CADM4: variants seen among roughly 807,000 people sequenced by gnomAD.
CADM4 encodes cell adhesion molecule 4.
CADM4 carries 13 observed loss-of-function variants against 43.9 expected under a neutral mutation model. The observed-to-expected ratio is 0.30, with a 90% CI of 0.19 to 0.47. CADM4 has a LOEUF of 0.47. Ranked by LOEUF, CADM4 falls within the 20% of genes least tolerant of loss-of-function variation. The pLI is 1.00. For missense variants in CADM4, 420 were observed against 527.0 expected, an observed-to-expected ratio of 0.80 and a Z score of 1.99; for synonymous variants, 209 against 220.9, an observed-to-expected ratio of 0.95 and a Z score of 0.48.
chr19:43,636,446 C>G (rs1973705083), intron 1 of CADM4, among the ~76,000 whole-genome samples: 1 of 152,180 alleles, frequency 6.6e-6, no homozygotes, highest in Non-Finnish European at 1.5e-5. Context: ...AGAGCCCAGG[C>G]TCAGCACCTG....
At chr19:43,624,069 C>T (rs769351648) in intron 8 of CADM4, 45 bp downstream of exon 8, 10 of 1,609,380 alleles carry the variant, frequency 6.2e-6, no homozygotes, top group Admixed American at 3.3e-5. Flanking sequence ...TCTTTCCGAG[C>T]CCTACAACCA....
Position 43,625,122 on chromosome 19 carries a change from T to C in CADM4, c.884A>G (p.Asn295Ser), listed in dbSNP as rs769244858. 25 of 1,613,090 alleles carry C rather than the reference T, an allele frequency of 1.5e-5. No homozygotes were observed. The highest frequency in any genetic ancestry group is 1.9e-5 in the Non-Finnish European group (22 of 1,179,568). Residue 295 changes from asparagine to serine, a missense_variant, in exon 7 of 9, where the codon AAT becomes AGT. Physicochemically the swap from Asn to Ser is conservative, Grantham distance 46. Coordinates refer to ENST00000222374, the MANE Select transcript of CADM4 (RefSeq NM_145296.2). This position sits in a 1 kb window ranked among gnomAD's most constrained non-coding sequence, Gnocchi z 4.5. ...GAGCGCCCTCGCATGGCCGTGCTTA[T>C]TGGACGCCTCGCAAGTGTAGGTGCC... Reference protein sequence around the residue: ...DNGTYTCEASNKHGHARALYV... With the variant: ...DNGTYTCEASSKHGHARALYV...
At chr19:43,631,364 T>G (rs4803647) in intron 1 of CADM4, among the ~76,000 whole-genome samples, 52,545 of 150,736 alleles carry the variant, frequency 0.35, 9,288 homozygotes, top group African/African-American at 0.38. Context: ...AAAAAAGAAA[T>G]AAATAAAAGA....
intron 1 of CADM4, among the ~76,000 whole-genome samples, chr19:43,636,911 C>A (rs984426637): frequency 6.6e-6 from 1 of 152,088 alleles, no homozygotes; most frequent in Non-Finnish European, 1.5e-5. Context: ...AAGTGAGTCA[C>A]CCTGGGAAGG....
At chr19:43,639,880 T>C (rs1600104498), upstream of CADM4, 1 of 603,106 alleles carries the variant, frequency 1.7e-6, no homozygotes, top group Non-Finnish European at 2.0e-6. Context: ...CCCCGCCCCC[T>C]GCCCGCCCGG....
At chr19:43,634,663 C>T (rs146466845) in intron 1 of CADM4, among the ~76,000 whole-genome samples, 2 of 152,158 alleles carry the variant, frequency 1.3e-5, no homozygotes, top group Non-Finnish European at 2.9e-5. Flanking sequence ...GGGACTGAGG[C>T]ACTGGCCCTT....
chr19:43,624,310 A>T, intron 7 of CADM4, 68 bp from the exon 8 acceptor site: 1 of 1,605,062 alleles, frequency 6.2e-7, no homozygotes, highest in Non-Finnish European at 8.5e-7. Flanking sequence ...CATCGCTGCC[A>T]AGCTTTTAAG....
In CADM4 at chr19:43,627,796, C is replaced by G; in HGVS notation, c.65-6G>C. 6.2e-7 allele frequency: 1 copy of G among 1,603,722 alleles called. No homozygotes were observed. Among genetic ancestry groups the G allele is most frequent in the Non-Finnish European group, 8.5e-7 (1 of 1,171,434 alleles). ...CTGTACTTCCTGTCCTGCCCCTGGA[C>G]GATTAGACAAAGAGACAGGATAGAA... On this transcript the variant is annotated splice_polypyrimidine_tract_variant and splice_region_variant and intron_variant, in intron 1 of 8. Coordinates refer to ENST00000222374, the MANE Select transcript of CADM4 (RefSeq NM_145296.2). This position sits in a 1 kb window ranked among gnomAD's most constrained non-coding sequence, Gnocchi z 4.0.
Position 43,624,095 on chromosome 19 carries a change from C to A in CADM4, c.1057+19G>T. ...CCTACAACCAACCAACCGTAGAGTC[C>A]AGGCCCCGTCCCACTCACCCTTCTG... On this transcript the variant is annotated intron_variant, in intron 8 of 8. Coordinates refer to ENST00000222374, the MANE Select transcript of CADM4 (RefSeq NM_145296.2). 6.2e-7 allele frequency: 1 copy of A among 1,614,008 alleles called. No homozygotes were observed. The highest frequency in any genetic ancestry group is 8.5e-7 in the Non-Finnish European group (1 of 1,179,912).
Position 43,639,769 on chromosome 19 carries a change from G to C in CADM4, c.22C>G (p.Gln8Glu). 1 of 1,026,038 alleles carries C rather than the reference G, an allele frequency of 9.7e-7. No homozygotes were observed. Among genetic ancestry groups the C allele is most frequent in the South Asian group, 3.3e-5 (1 of 30,232 alleles). The allele number at this position is 1,026,038 out of a possible 1,614,324, so 63.6% of individuals were successfully genotyped here. A position where few individuals can be genotyped will look rare whatever the true frequency, so the allele number is the denominator to read the frequency against. Residue 8 changes from glutamine (Q) to glutamate (E), a missense_variant, in exon 1 of 9, where the codon CAG becomes GAG. Physicochemically the swap from Gln to Glu is conservative, Grantham distance 29. Transcript: ENST00000222374. MGRARRF[Q>E]WPLLLLWAAA... ...GCCCACAGCAGCAGCAGCGGCCACT[G>C]GAAGCGCCGGGCCCGGCCCATGGTG...
In CADM4 at chr19:43,624,224, T is replaced by C; in HGVS notation, c.947A>G (p.Glu316Gly). ...LVVYDPGAVVEAQTSVPYAIV... is the reference protein window; with the variant it reads ...LVVYDPGAVVGAQTSVPYAIV... ...GGCATAGGGAACCGACGTCTGAGCC[T>C]CTACCACCGCACCAGGGTCTGCCAG... is the stretch of plus-strand genomic sequence containing the variant. The change falls in exon 8 of 9, where the codon GAG (glutamate) becomes GGG (glycine). Residue 316 changes from glutamate to glycine, a missense_variant. By Grantham distance (98) the Glu-to-Gly change is moderately conservative (BLOSUM62 -2). Coordinates refer to ENST00000222374, the MANE Select transcript of CADM4 (RefSeq NM_145296.2). 1.2e-6 allele frequency: 2 copies of C among 1,614,156 alleles called. No homozygotes were observed. The highest frequency in any genetic ancestry group is 1.7e-6 in the Non-Finnish European group (2 of 1,180,034).
chr19:43,626,279 C>A lies in CADM4; in HGVS notation c.509G>T (p.Ser170Ile). 1 of 1,610,900 alleles carries A rather than the reference C, an allele frequency of 6.2e-7. No individual in the cohort carries two copies. Among genetic ancestry groups the A allele is most frequent in the Non-Finnish European group, 8.5e-7 (1 of 1,179,942 alleles). Residue 170 changes from serine to isoleucine, a missense_variant, in exon 5 of 9, where the codon AGC becomes ATC. Coordinates refer to ENST00000222374, the MANE Select transcript of CADM4 (RefSeq NM_145296.2). This position sits in a 1 kb window ranked among gnomAD's most constrained non-coding sequence, Gnocchi z 5.9. ...CCAGACCTTGCCATTTTCCTGGCTG[C>A]TGCTCACTCCTGCCACACCCCGGTC... Reference protein sequence around the residue: ...RDRKELKGVSSSQENGKVWSV... With the variant: ...RDRKELKGVSISQENGKVWSV...
rs1973532678 is a variant in CADM4, at chr19:43,626,642, C to T, written c.499+142G>A. On this transcript the variant is annotated intron_variant, in intron 4 of 8. Coordinates refer to ENST00000222374, the MANE Select transcript of CADM4 (RefSeq NM_145296.2). This position sits in a 1 kb window ranked among gnomAD's most constrained non-coding sequence, Gnocchi z 5.9. ...CCTCCCAAAGTGCTAGGACTACAGG[C>T]GTGAGCCACCGCGCTCGACATCAAC... The T allele has an allele frequency of 3.6e-6, 4 of 1,125,346 alleles. No homozygotes were observed. The highest frequency in any genetic ancestry group is 4.9e-6 in the Non-Finnish European group (4 of 810,534). 69.7% of individuals were successfully genotyped at this position (1,125,346 alleles called of 1,614,324 possible).
Position 43,624,192 on chromosome 19 carries a change from C to T in CADM4, c.979G>A (p.Gly327Ser). 2 of 1,614,198 alleles carry T rather than the reference C, an allele frequency of 1.2e-6. No homozygotes were observed. The highest frequency in any genetic ancestry group is 1.7e-6 in the Non-Finnish European group (2 of 1,180,036). Residue 327 changes from glycine to serine, a missense_variant, in exon 8 of 9, where the codon GGC becomes AGC. By Grantham distance (56) the Gly-to-Ser change is moderately conservative. Coordinates refer to ENST00000222374, the MANE Select transcript of CADM4 (RefSeq NM_145296.2). ...AQTSVPYAIV[G>S]GILALLVFLI... The stretch of plus-strand genomic sequence containing the variant: ...AACACCAGCAGCGCCAGGATGCCGC[C>T]CACAATGGCATAGGGAACCGACGTC...
At chr19:43,634,756 G>A (rs967439798) in intron 1 of CADM4, among the ~76,000 whole-genome samples, 15 of 151,534 alleles carry the variant, frequency 9.9e-5, no homozygotes, top group African/African-American at 3.4e-4. Context: ...GAGTGGCGGA[G>A]CAGGTAATGC....
At chr19:43,640,698 C>T, upstream of CADM4, among the ~76,000 whole-genome samples, 1 of 152,004 alleles carries the variant, frequency 6.6e-6, no homozygotes, top group Non-Finnish European at 1.5e-5. Flanking sequence ...CCCAGCCTCT[C>T]TCCCTCTCTC....
chr19:43,625,993 TG>T lies in CADM4; in HGVS notation c.672del (p.Thr225ArgfsTer11). The T allele has an allele frequency of 6.2e-7, 1 of 1,613,944 alleles. No individual in the cohort carries two copies. Among genetic ancestry groups the T allele is most frequent in the Non-Finnish European group, 8.5e-7 (1 of 1,179,952 alleles). ...TQYVLDVQYS[P>X]TARIHASQAV... Reference sequence around the variant, plus strand: ...GCTTGGGAGGCATGAATCCGGGCCGTGGGGGAGTCTGTTAGGCAAAAGTAAG... The same window carrying T: ...GCTTGGGAGGCATGAATCCGGGCCGTGGGGAGTCTGTTAGGCAAAAGTAAG... On this transcript the variant is annotated frameshift_variant, in exon 6 of 9. Coordinates refer to ENST00000222374, the MANE Select transcript of CADM4 (RefSeq NM_145296.2). LOFTEE classifies it high-confidence loss of function. The surrounding 1 kb of genome is among the most constrained non-coding windows in gnomAD (Gnocchi z 4.5).
chr19:43,627,275 G>C lies in CADM4; in HGVS notation c.255C>G (p.Arg85=). ...CATCTGAGAGCCGGATCCGCACCCG[G>C]CGTGGGGAGAACTCCTCAAGCTGGA... is the stretch of plus-strand genomic sequence containing the variant. ...ERFQLEEFSP[R]RVRIRLSDAR... Residue 85 remains arginine (R), a synonymous_variant, in exon 3 of 9, where the codon CGC becomes CGG. Coordinates refer to ENST00000222374, the MANE Select transcript of CADM4 (RefSeq NM_145296.2). The surrounding 1 kb of genome is among the most constrained non-coding windows in gnomAD (Gnocchi z 4.0). 6.8e-6 allele frequency: 11 copies of C among 1,610,676 alleles called. No homozygotes were observed. Among genetic ancestry groups the C allele is most frequent in the Non-Finnish European group, 9.3e-6 (11 of 1,178,248 alleles).
At chr19:43,632,604 C>A (rs975028508) in intron 1 of CADM4, among the ~76,000 whole-genome samples, 1 of 152,018 alleles carries the variant, frequency 6.6e-6, no homozygotes, top group Non-Finnish European at 1.5e-5. Context: ...TGAGCTCGCT[C>A]CCACCACAGG....
Sources: allele counts gnomAD v4.1 joint callset (sites outside exome capture counted in the v4.1 genomes callset), GRCh38; gene constraint gnomAD v4.1.1; non-coding constraint Gnocchi (gnomAD v3.1); transcripts MANE v1.5; gene names NCBI Gene and HGNC (gene_info 2026-07-23, HGNC 2026-07-21).